The following CERS6 variants were observed in gnomAD, a reference collection of about 807,000 sequenced individuals.
CERS6 encodes the protein ceramide synthase 6.
CERS6 carries 26 observed loss-of-function variants against 56.8 expected under a neutral mutation model. The ratio of observed to expected loss-of-function variants is 0.46; its 90% CI spans 0.34 to 0.63. The LOEUF (loss-of-function observed/expected upper bound fraction) is 0.63. Ranked by LOEUF, CERS6 falls within the 30% of genes least tolerant of loss-of-function variation. The pLI, the probability that CERS6 is intolerant of heterozygous loss-of-function variation, is 0.01. For missense variants in CERS6, 415 were observed against 467.5 expected, an observed-to-expected ratio of 0.89 and a Z score of 1.04; for synonymous variants, 164 against 173.3, an observed-to-expected ratio of 0.95 and a Z score of 0.42.
intron 3 of CERS6, among the ~76,000 whole-genome samples, chr2:168,629,991 T>C (rs933486057): frequency 1.2e-4 from 18 of 151,926 alleles, no homozygotes; most frequent in African/African-American, 4.1e-4. Context: ...TAATTTTTTG[T>C]ATTTTTATTA....
intron 8 of CERS6, among the ~76,000 whole-genome samples, chr2:168,763,994 G>A (rs1684655516): frequency 6.6e-6 from 1 of 152,194 alleles, no homozygotes; most frequent in African/African-American, 2.4e-5. Context: ...ACTAAAACCA[G>A]CCTTTTATGT....
At chr2:168,726,855 A>C (rs1683368361) in intron 8 of CERS6, among the ~76,000 whole-genome samples, 1 of 152,240 alleles carries the variant, frequency 6.6e-6, no homozygotes, top group African/African-American at 2.4e-5. Flanking sequence ...AATCATAACC[A>C]TAGATACATC....
rs545850190 is a variant in CERS6, at chr2:168,527,185, G to A, written c.171-20411G>A. On this transcript the variant is annotated intron_variant, in intron 1 of 9. Coordinates refer to ENST00000305747, the MANE Select transcript of CERS6 (RefSeq NM_203463.3). Reference sequence around the variant, plus strand: ...TCCTGAAAGTATCCCCTTAGCATCAGTGGATTTTTCTTCTTTATTTAAAAA... The same window carrying A: ...TCCTGAAAGTATCCCCTTAGCATCAATGGATTTTTCTTCTTTATTTAAAAA... 7.2e-5 allele frequency among the ~76,000 whole-genome samples: 11 copies of A among 152,310 alleles called. No individual in the cohort carries two copies. The South Asian group carries it at 2.3e-3, about 32-fold the overall frequency.
chr2:168,735,167 TG>T (rs1683672770), intron 8 of CERS6, among the ~76,000 whole-genome samples: 1 of 152,214 alleles, frequency 6.6e-6, no homozygotes, highest in Non-Finnish European at 1.5e-5. Context: ...TGAACAGTAT[TG>T]GCACTTTGAT....
chr2:168,723,896 C>T (rs548505912), intron 8 of CERS6, among the ~76,000 whole-genome samples: 1 of 152,208 alleles, frequency 6.6e-6, no homozygotes, highest in Non-Finnish European at 1.5e-5. Flanking sequence ...CTTGAGCAAA[C>T]ATATGAATAG....
At chr2:168,490,421 A>G (rs1348017064) in intron 1 of CERS6, among the ~76,000 whole-genome samples, 1 of 152,122 alleles carries the variant, frequency 6.6e-6, no homozygotes, top group African/African-American at 2.4e-5. Context: ...CTGCTCCAGG[A>G]CATAGCTGCC....
intron 2 of CERS6, among the ~76,000 whole-genome samples, chr2:168,548,395 A>G (rs1355841531): frequency 6.6e-6 from 1 of 152,182 alleles, no homozygotes; most frequent in Non-Finnish European, 1.5e-5. Flanking sequence ...CTTCAGAACA[A>G]AGAGGGAGGA....
chr2:168,653,781 T>C (rs890484693), intron 4 of CERS6, among the ~76,000 whole-genome samples: 3 of 152,208 alleles, frequency 2.0e-5, no homozygotes, highest in South Asian at 2.1e-4. Context: ...CAATAATGAA[T>C]TGGAACTTAC....
chr2:168,638,732 G>A (rs971755157), intron 4 of CERS6, among the ~76,000 whole-genome samples: 1 of 152,168 alleles, frequency 6.6e-6, no homozygotes, highest in African/African-American at 2.4e-5. Flanking sequence ...AGAGCATTGA[G>A]AAGCCTTTCC....
chr2:168,706,534 T>G (rs62174428), intron 6 of CERS6, among the ~76,000 whole-genome samples: 5,020 of 152,308 alleles, frequency 0.033, 120 homozygotes, highest in East Asian at 0.14. Context: ...CAAAGAAGCA[T>G]CTTACTTTTA....
At chr2:168,569,713 G>A (rs546920360) in intron 3 of CERS6, among the ~76,000 whole-genome samples, 1 of 152,256 alleles carries the variant, frequency 6.6e-6, no homozygotes, top group South Asian at 2.1e-4. Flanking sequence ...GGACCAGTGG[G>A]TCAGTATGGT....
chr2:168,479,806 C>G (rs1694146139), intron 1 of CERS6, among the ~76,000 whole-genome samples: 1 of 152,096 alleles, frequency 6.6e-6, no homozygotes, highest in Admixed American at 6.5e-5. Context: ...CGGGGTTTCT[C>G]CATGTTGGTC....
chr2:168,467,530 A>G (rs757813132), intron 1 of CERS6, among the ~76,000 whole-genome samples: 4 of 152,208 alleles, frequency 2.6e-5, no homozygotes, highest in East Asian at 1.9e-4. Context: ...ATAGACATGT[A>G]TATTTATTTC....
At chr2:168,463,340 AT>A (rs1232135042) in intron 1 of CERS6, among the ~76,000 whole-genome samples, 6 of 152,208 alleles carry the variant, frequency 3.9e-5, no homozygotes, top group Admixed American at 3.9e-4. Context: ...ATTCAAAAAT[AT>A]TTTTAATGAC....
chr2:168,581,859 A>C lies in CERS6; in HGVS notation c.407+20537A>C, dbSNP rs116166804. Among the ~76,000 whole-genome samples, 581 of 152,236 alleles carry C rather than the reference A, an allele frequency of 3.8e-3. 2 individuals are homozygous for C. Among genetic ancestry groups the C allele is most frequent in the African/African-American group, 0.013 (533 of 41,538 alleles). Reference sequence around the variant, plus strand: ...TCTTAGGAAATATTAAGGAGGGAGAATCTTGAGGCCTAGGAAGATGATGAT... The same window carrying C: ...TCTTAGGAAATATTAAGGAGGGAGACTCTTGAGGCCTAGGAAGATGATGAT... On this transcript the variant is annotated intron_variant, in intron 3 of 9. Transcript: ENST00000305747.
intron 4 of CERS6, among the ~76,000 whole-genome samples, chr2:168,688,767 A>G (rs996778885): frequency 2.0e-5 from 3 of 152,190 alleles, no homozygotes; most frequent in Admixed American, 6.5e-5. Context: ...GATTCATGGT[A>G]TCCAGGTCTG....
intron 1 of CERS6, among the ~76,000 whole-genome samples, chr2:168,460,924 C>A (rs72873063): frequency 6.8e-4 from 103 of 152,246 alleles, no homozygotes; most frequent in Non-Finnish European, 1.2e-3. Flanking sequence ...CAGGCTTTTT[C>A]TTTTAGATTT....
intron 4 of CERS6, among the ~76,000 whole-genome samples, chr2:168,666,985 T>A (rs570608082): frequency 6.6e-6 from 1 of 152,362 alleles, no homozygotes; most frequent in Admixed American, 6.5e-5. Flanking sequence ...GTAATCTACA[T>A]ACATTTGATA....
chr2:168,690,517 A>G (rs988068590), intron 4 of CERS6, among the ~76,000 whole-genome samples: 4 of 152,174 alleles, frequency 2.6e-5, no homozygotes, highest in African/African-American at 7.2e-5. Context: ...AGGAGTTGGC[A>G]TGTGCTGTGA....
Sources: allele counts gnomAD v4.1 joint callset (sites outside exome capture counted in the v4.1 genomes callset), GRCh38; gene constraint gnomAD v4.1.1; transcripts MANE v1.5; gene names NCBI Gene and HGNC (gene_info 2026-07-23, HGNC 2026-07-21).